The following HEXB variants were observed in gnomAD, a reference collection of about 807,000 sequenced individuals.
HEXB encodes hexosaminidase subunit beta, also known as beta-hexosaminidase subunit beta.
HEXB carries 51 observed loss-of-function variants against 71.2 expected under a neutral mutation model. That is an observed-to-expected ratio of 0.72 (90% CI 0.57 to 0.90). The LOEUF is 0.90. Ranked by LOEUF, HEXB falls within the 40% of genes least tolerant of loss-of-function variation. HEXB has a pLI of 0.00. For missense variants in HEXB, 617 were observed against 677.0 expected (o/e 0.91, Z 0.98); for synonymous variants, 266 against 249.3 (o/e 1.07, Z -0.63).
intron 9 of HEXB, 29 bp downstream of exon 9, chr5:74,716,702 T>G: frequency 7.5e-7 from 1 of 1,324,590 alleles, no homozygotes. Context: ...TATTTCTGTA[T>G]TAATGCTTTT....
At chr5:74,710,359 TCCC>T (rs1301271425) in intron 6 of HEXB, among the ~76,000 whole-genome samples, 1 of 152,064 alleles carries the variant, frequency 6.6e-6, no homozygotes, top group East Asian at 1.9e-4. Context: ...CTAGAAGCAT[TCCC>T]TTTGAAACCT....
At chr5:74,650,430 C>G (rs1168871335) in intron 1 of HEXB, among the ~76,000 whole-genome samples, 3 of 152,100 alleles carry the variant, frequency 2.0e-5, no homozygotes, top group Non-Finnish European at 4.4e-5. Context: ...TAAACATGAA[C>G]TAACAGTATA....
intron 1 of HEXB, among the ~76,000 whole-genome samples, chr5:74,664,430 T>TAAAAAAAAAAAAAAAAAAAAAAAA (rs397998152): frequency 2.5e-5 from 2 of 79,634 alleles, no homozygotes; most frequent in African/African-American, 9.3e-5. Context: ...ATTCTATCTC[T>TAAAAAAAAAAAAAAAAAAAAAAAA]AAAAAAAAAA....
chr5:74,701,677 A>G (rs373382164), intron 5 of HEXB, among the ~76,000 whole-genome samples: 1 of 152,084 alleles, frequency 6.6e-6, no homozygotes, highest in African/African-American at 2.4e-5. Context: ...AATAGTGTGC[A>G]AAGAACTCCT....
chr5:74,660,239 A>T (rs1444604275), intron 1 of HEXB, among the ~76,000 whole-genome samples: 1 of 152,214 alleles, frequency 6.6e-6, no homozygotes, highest in Admixed American at 6.5e-5. Flanking sequence ...TCAGCCCTAA[A>T]TAATGACTTG....
intron 5 of HEXB, among the ~76,000 whole-genome samples, chr5:74,703,173 G>C (rs1048612801): frequency 6.6e-6 from 1 of 152,262 alleles, no homozygotes; most frequent in South Asian, 2.1e-4. Flanking sequence ...GGCTGGTCCC[G>C]AGCTCCTAGC....
intron 2 of HEXB, among the ~76,000 whole-genome samples, chr5:74,693,099 G>A (rs944925993): frequency 2.0e-5 from 3 of 152,202 alleles, no homozygotes; most frequent in African/African-American, 7.2e-5. Flanking sequence ...GATACTGAGG[G>A]AAGGTGGGTA....
chr5:74,685,033 T>TA, upstream of HEXB: 2 of 525,674 alleles, frequency 3.8e-6, no homozygotes, highest in South Asian at 5.3e-5. Flanking sequence ...CTGTCTGGGC[T>TA]CTGCTCCTAC....
intron 1 of HEXB, among the ~76,000 whole-genome samples, chr5:74,642,259 AATATAT>A (rs1747912112): frequency 6.6e-6 from 1 of 152,018 alleles, no homozygotes; most frequent in Non-Finnish European, 1.5e-5. Context: ...CGAACCTTTC[AATATAT>A]ATATTTTTTA....
chr5:74,721,074 C>T lies in HEXB; in HGVS notation c.1614-44C>T, dbSNP rs372461509. On this transcript the variant is annotated intron_variant, in intron 13 of 13. Coordinates refer to ENST00000261416, the MANE Select transcript of HEXB (RefSeq NM_000521.4). ...TCTAAAATATCTTTATGAATGATATCAATCTAAATCAATCTAAAATATCTT... is the reference window on the plus strand; with the variant it reads ...TCTAAAATATCTTTATGAATGATATTAATCTAAATCAATCTAAAATATCTT... 3.4e-5 allele frequency: 47 copies of T among 1,374,954 alleles called. No homozygotes were observed. In the African/African-American group the frequency reaches 6.3e-4, roughly 18 times the overall value. The allele number at this position is 1,374,954 out of a possible 1,614,324, so 85.2% of individuals were successfully genotyped here.
intron 5 of HEXB, among the ~76,000 whole-genome samples, chr5:74,701,900 A>G (rs966896897): frequency 6.6e-6 from 1 of 152,068 alleles, no homozygotes; most frequent in Admixed American, 6.6e-5. Context: ...AACCATCAAA[A>G]TCAGGAAATT....
chr5:74,642,606 T>C (rs1230064396), intron 1 of HEXB, among the ~76,000 whole-genome samples: 1 of 151,912 alleles, frequency 6.6e-6, no homozygotes, highest in African/African-American at 2.4e-5. Context: ...GCTTCCTTTG[T>C]GAGTCAAATC....
chr5:74,649,329 A>T (rs1351059353), intron 1 of HEXB, among the ~76,000 whole-genome samples: 1 of 152,186 alleles, frequency 6.6e-6, no homozygotes, highest in East Asian at 1.9e-4. Flanking sequence ...AGTTGTCCTG[A>T]GGGCCCCTGG....
chr5:74,668,806 T>C (rs1561207440), intron 1 of HEXB, among the ~76,000 whole-genome samples: 1 of 152,220 alleles, frequency 6.6e-6, no homozygotes, highest in Non-Finnish European at 1.5e-5. Context: ...AAGGATTGTG[T>C]CTCCTTTTTT....
chr5:74,697,940 A>G (rs1031747210), intron 5 of HEXB, among the ~76,000 whole-genome samples: 33 of 151,976 alleles, frequency 2.2e-4, no homozygotes, highest in African/African-American at 8.0e-4. Flanking sequence ...GTTTTCTCCT[A>G]TGGGCTTTTT....
chr5:74,678,049 C>A (rs1252019578), intron 1 of HEXB, among the ~76,000 whole-genome samples: 2 of 152,168 alleles, frequency 1.3e-5, no homozygotes, highest in Non-Finnish European at 2.9e-5. Context: ...GTAATCCCAG[C>A]ACTTTGGGAG....
At chr5:74,664,429 CTAA>C (rs1561205992) in intron 1 of HEXB, among the ~76,000 whole-genome samples, 1 of 60,970 alleles carries the variant, frequency 1.6e-5, no homozygotes, top group Admixed American at 2.2e-4. Context: ...GATTCTATCT[CTAA>C]AAAAAAAAAA....
At chr5:74,645,473 G>T (rs1278564181) in intron 1 of HEXB, among the ~76,000 whole-genome samples, 1 of 152,180 alleles carries the variant, frequency 6.6e-6, no homozygotes. Flanking sequence ...TTGTGTGAAA[G>T]TCTGTCTTTG....
chr5:74,701,419 GTAA>G (rs1254544669), intron 5 of HEXB, among the ~76,000 whole-genome samples: 1 of 152,092 alleles, frequency 6.6e-6, no homozygotes, highest in African/African-American at 2.4e-5. Flanking sequence ...TGGTTAGCCA[GTAA>G]TCCCCTCATT....
Sources: allele counts gnomAD v4.1 joint callset (sites outside exome capture counted in the v4.1 genomes callset), GRCh38; gene constraint gnomAD v4.1.1; transcripts MANE v1.5; gene names NCBI Gene and HGNC (gene_info 2026-07-23, HGNC 2026-07-21).